Variants in DLGAP2 observed in about 807,000 individuals in gnomAD.
DLGAP2 encodes the protein DLG associated protein 2.
DLGAP2 carries 26 observed loss-of-function variants against 100.3 expected under a neutral mutation model. The observed-to-expected ratio is 0.26, with a 90% confidence interval of 0.19 to 0.36. The LOEUF (loss-of-function observed/expected upper bound fraction) is 0.36. Ranked by LOEUF, DLGAP2 falls within the 10% of genes least tolerant of loss-of-function variation. The pLI, the probability that DLGAP2 is intolerant of heterozygous loss-of-function variation, is 1.00. For synonymous variants in DLGAP2, 886 were observed against 630.1 expected, an observed-to-expected ratio of 1.41 and a Z score of -6.08; for missense variants, 1,858 against 1,453.2, an observed-to-expected ratio of 1.28 and a Z score of -4.53.
intron 3 of DLGAP2, among the ~76,000 whole-genome samples, chr8:1,469,119 C>T (rs370963430): frequency 2.0e-5 from 3 of 152,200 alleles, no homozygotes; most frequent in Non-Finnish European, 4.4e-5. Context: ...CCATGCTGGG[C>T]GCCCCGTGTC....
At chr8:1,068,107 G>A (rs930345784) in intron 2 of DLGAP2, among the ~76,000 whole-genome samples, 12 of 152,124 alleles carry the variant, frequency 7.9e-5, no homozygotes, top group Non-Finnish European at 1.8e-4. Context: ...GTGCATTTAC[G>A]GTGCCTTCGT....
intron 2 of DLGAP2, among the ~76,000 whole-genome samples, chr8:913,466 G>C (rs1345774455): frequency 6.6e-6 from 1 of 152,210 alleles, no homozygotes; most frequent in African/African-American, 2.4e-5. Flanking sequence ...TTTGGCGTGA[G>C]CGTATATGTT....
intron 6 of DLGAP2, among the ~76,000 whole-genome samples, chr8:1,588,485 C>T (rs949652918): frequency 3.9e-5 from 6 of 152,186 alleles, no homozygotes; most frequent in African/African-American, 9.6e-5. Context: ...TCTTCTTTGG[C>T]GTATGATGCC....
intron 2 of DLGAP2, among the ~76,000 whole-genome samples, chr8:1,053,531 T>C (rs925316260): frequency 2.6e-5 from 4 of 152,040 alleles, no homozygotes; most frequent in Admixed American, 2.6e-4. Context: ...GTGAAATGTG[T>C]GCATGCAGCT....
chr8:1,173,887 C>G (rs1396311858), intron 2 of DLGAP2, among the ~76,000 whole-genome samples: 1 of 152,246 alleles, frequency 6.6e-6, no homozygotes, highest in Non-Finnish European at 1.5e-5. Flanking sequence ...CACGCACCCA[C>G]TGACCTGCGC....
chr8:1,531,466 G>C (rs1475972417), intron 4 of DLGAP2, among the ~76,000 whole-genome samples: 1 of 151,906 alleles, frequency 6.6e-6, no homozygotes, highest in Non-Finnish European at 1.5e-5. Flanking sequence ...CAGCTATTTG[G>C]TATTAATTTG....
At chr8:1,563,092 G>C (rs551854529) in intron 5 of DLGAP2, among the ~76,000 whole-genome samples, 1 of 66,928 alleles carries the variant, frequency 1.5e-5, no homozygotes, top group Non-Finnish European at 2.9e-5. Context: ...CTCGTTGCTG[G>C]GGGACTGTGT....
chr8:1,507,239 G>C (rs766058983), intron 4 of DLGAP2, among the ~76,000 whole-genome samples: 1 of 152,236 alleles, frequency 6.6e-6, no homozygotes, highest in Non-Finnish European at 1.5e-5. Flanking sequence ...TGGGCCGCGC[G>C]GGAGCCCACC....
At chr8:1,519,299 C>A (rs1800507256) in intron 4 of DLGAP2, among the ~76,000 whole-genome samples, 1 of 112,804 alleles carries the variant, frequency 8.9e-6, no homozygotes, top group Non-Finnish European at 1.8e-5. Flanking sequence ...GAACCCTTGT[C>A]TACTTGGAAA....
intron 2 of DLGAP2, among the ~76,000 whole-genome samples, chr8:1,187,018 G>T (rs1266688394): frequency 6.6e-6 from 1 of 151,764 alleles, no homozygotes. Flanking sequence ...CTCAGTGCAG[G>T]TGGCGGTCGT....
At chr8:848,864 T>TCGCGCGGTGTGTGTTCCAGCATAGGAA (rs1797121274) in intron 1 of DLGAP2, among the ~76,000 whole-genome samples, 2 of 130,250 alleles carry the variant, frequency 1.5e-5, no homozygotes, top group African/African-American at 5.5e-5. Flanking sequence ...CAGCATAGGA[T>TCGCGCGGTGTGTGTTCCAGCATAGGAA]CGCGCGGTGT....
intron 2 of DLGAP2, among the ~76,000 whole-genome samples, chr8:1,087,308 C>G (rs549118178): frequency 6.6e-6 from 1 of 152,074 alleles, no homozygotes; most frequent in African/African-American, 2.4e-5. Flanking sequence ...TTTTAGTATG[C>G]CCAGACTCTT....
At chr8:1,283,997 A>T (rs867123080) in intron 3 of DLGAP2, among the ~76,000 whole-genome samples, 1 of 152,216 alleles carries the variant, frequency 6.6e-6, no homozygotes, top group Non-Finnish European at 1.5e-5. Flanking sequence ...CTAGATGCCT[A>T]TTATCTTCCT....
intron 1 of DLGAP2, among the ~76,000 whole-genome samples, chr8:764,419 C>T (rs939254886): frequency 6.6e-6 from 1 of 152,130 alleles, no homozygotes; most frequent in East Asian, 1.9e-4. Flanking sequence ...ACATAAACGC[C>T]TATTATATAC....
intron 2 of DLGAP2, among the ~76,000 whole-genome samples, chr8:1,104,144 G>A (rs1436120425): frequency 1.3e-5 from 2 of 152,204 alleles, no homozygotes; most frequent in African/African-American, 4.8e-5. Flanking sequence ...CCACGTGTTA[G>A]GGTGAGGGGT....
chr8:1,651,984 C>T (rs1798177452), intron 8 of DLGAP2, among the ~76,000 whole-genome samples: 1 of 152,192 alleles, frequency 6.6e-6, no homozygotes, highest in Non-Finnish European at 1.5e-5. Context: ...CCCCAGGCAC[C>T]TACACAGCTC....
chr8:1,535,571 C>T (rs1422607454), intron 4 of DLGAP2, among the ~76,000 whole-genome samples: 1 of 152,208 alleles, frequency 6.6e-6, no homozygotes, highest in African/African-American at 2.4e-5. Context: ...TGAACTCTTG[C>T]ATTGTTGGTA....
chr8:1,186,626 A>C (rs1261980303), intron 2 of DLGAP2, among the ~76,000 whole-genome samples: 3 of 149,512 alleles, frequency 2.0e-5, no homozygotes, highest in South Asian at 4.3e-4. Flanking sequence ...CTGATACTCC[A>C]CTCCGTTGTG....
At chr8:1,186,362 A>G (rs959713662) in intron 2 of DLGAP2, among the ~76,000 whole-genome samples, 11 of 152,194 alleles carry the variant, frequency 7.2e-5, no homozygotes, top group African/African-American at 2.4e-4. Context: ...TCGACATAGA[A>G]TCTGCCAGCA....
Sources: gnomAD v4.1 joint callset for allele counts (sites outside exome capture counted in the v4.1 genomes callset) on GRCh38, gnomAD v4.1.1 for gene constraint, MANE v1.5 for transcripts, NCBI Gene and HGNC (gene_info 2026-07-23, HGNC 2026-07-21) for gene names.